Variants in C1orf54 observed in about 807,000 individuals in gnomAD.
The protein encoded by C1orf54 is uncharacterized protein C1orf54.
A neutral mutation model predicts 14.7 loss-of-function variants in C1orf54; 12 were observed. The ratio of observed to expected loss-of-function variants is 0.82; its 90% confidence interval spans 0.52 to 1.32. C1orf54 has a LOEUF of 1.32. Ranked by LOEUF, C1orf54 falls within the 40% of genes most tolerant of loss-of-function variation. The pLI is 0.00. For synonymous variants in C1orf54, 65 were observed against 56.3 expected (o/e 1.16, Z -0.70); for missense variants, 163 against 162.2 (o/e 1.00, Z -0.03).
intron 4 of C1orf54, among the ~76,000 whole-genome samples, chr1:150,278,758 G>A (rs945928137): frequency 2.6e-5 from 4 of 152,190 alleles, no homozygotes; most frequent in Admixed American, 6.5e-5. Flanking sequence ...AGTGCTTGGA[G>A]AAAAGCTAGA....
At position 150,279,664 on chromosome 1, in the gene C1orf54, G is replaced by A. The variant is rs782082841; in HGVS notation, c.322G>A (p.Val108Met). ...GCAGAGTCCAGATCTGAACGATGCC[G>A]TGTCCAGTTTGCGAAGTCCTATTCC... ...TEPSPDLNDAVSSLRSPIPLL... is the reference protein window; with the variant it reads ...TEPSPDLNDAMSSLRSPIPLL... The change falls in exon 5 of 6, where the codon GTG (valine) becomes ATG (methionine). Residue 108 changes from valine (V) to methionine (M), a missense_variant. By Grantham distance (21) the Val-to-Met change is conservative. Transcript: ENST00000369099. 60 of 1,612,648 alleles carry A rather than the reference G, an allele frequency of 3.7e-5. No homozygotes were observed. The highest frequency in any genetic ancestry group is 4.5e-5 in the East Asian group (2 of 44,676).
chr1:150,280,640 A>C (rs1653020410), intron 5 of C1orf54, among the ~76,000 whole-genome samples, 195 bp from the exon 6 acceptor site: 1 of 152,196 alleles, frequency 6.6e-6, no homozygotes, highest in African/African-American at 2.4e-5. Context: ...CTAAATAACC[A>C]TTGATCATAG....
chr1:150,276,601 C>T lies in C1orf54; in HGVS notation c.269C>T (p.Pro90Leu), dbSNP rs1389480150. 2 of 1,613,992 alleles carry T rather than the reference C, an allele frequency of 1.2e-6. No homozygotes were observed. The highest frequency in any genetic ancestry group is 1.1e-5 in the South Asian group (1 of 91,090). Reference protein sequence around the residue: ...LETARADHPKPVTVKPVTTEP... With the variant: ...LETARADHPKLVTVKPVTTEP... ...ACAGCACGTGCAGACCATCCGAAGCCTGTAACTGTGAAACCAGTAACAACG... is the reference window on the plus strand; with the variant it reads ...ACAGCACGTGCAGACCATCCGAAGCTTGTAACTGTGAAACCAGTAACAACG... The change falls in exon 4 of 6, where the codon CCT becomes CTT. Residue 90 changes from proline (P) to leucine (L), a missense_variant. Physicochemically the swap from Pro to Leu is moderately conservative, Grantham distance 98. Transcript: ENST00000369099.
upstream of C1orf54, chr1:150,272,718 C>A (rs1331692784): frequency 1.6e-5 from 20 of 1,247,096 alleles, no homozygotes; most frequent in Non-Finnish European, 2.1e-5. Context: ...GTTGCTGCAG[C>A]TCCTTCCCTG....
upstream of C1orf54, among the ~76,000 whole-genome samples, chr1:150,272,105 A>C (rs587674388): frequency 1.3e-5 from 2 of 151,984 alleles, no homozygotes; most frequent in Admixed American, 1.3e-4. Flanking sequence ...GCGCCACTGC[A>C]CTCCAACCTG....
chr1:150,276,726 G>T (rs1197074668), intron 4 of C1orf54, 94 bp downstream of exon 4: 2 of 990,268 alleles, frequency 2.0e-6, no homozygotes, highest in South Asian at 1.3e-5. Context: ...TTTGGTGGAT[G>T]GGAGAACCAA....
chr1:150,272,825 T>C lies in C1orf54; in HGVS notation c.8T>C (p.Val3Ala). MD[V>A]LFVAIFAVPL... ...AATAGTGCAGAATCCAGAATGGATG[T>C]CCTCTTTGTAGCCATCTTTGCTGTG... The change falls in exon 1 of 6, where the codon GTC becomes GCC. Residue 3 changes from valine to alanine, a missense_variant. Transcript: ENST00000369099. The C allele has an allele frequency of 6.2e-7, 1 of 1,614,182 alleles. No individual in the cohort carries two copies. Among genetic ancestry groups the C allele is most frequent in the South Asian group, 1.1e-5 (1 of 91,090 alleles).
In C1orf54 at chr1:150,279,634, T is replaced by G; in HGVS notation, c.301-9T>G. The stretch of plus-strand genomic sequence containing the variant: ...AGCCTACTGTGTGGGGATGTCGGTA[T>G]TTTAGCAGAGTCCAGATCTGAACGA... On this transcript the variant is annotated splice_polypyrimidine_tract_variant and intron_variant, in intron 4 of 5. Coordinates refer to ENST00000369099, the MANE Select transcript of C1orf54 (RefSeq NM_024579.4). 6.2e-7 allele frequency: 1 copy of G among 1,605,796 alleles called. No individual in the cohort carries two copies.
chr1:150,279,623 G>A lies in C1orf54; in HGVS notation c.301-20G>A, dbSNP rs782259665. The A allele has an allele frequency of 1.9e-6, 3 of 1,602,234 alleles. No homozygotes were observed. The highest frequency in any genetic ancestry group is 1.7e-6 in the Non-Finnish European group (2 of 1,173,620). ...GGAATGACACCAGCCTACTGTGTGG[G>A]GATGTCGGTATTTTAGCAGAGTCCA... On this transcript the variant is annotated intron_variant, in intron 4 of 5. Coordinates refer to ENST00000369099, the MANE Select transcript of C1orf54 (RefSeq NM_024579.4).
chr1:150,268,928 T>G, upstream of C1orf54: 1 of 823,086 alleles, frequency 1.2e-6, no homozygotes, highest in Non-Finnish European at 1.9e-6. Context: ...CGCGGTGCAA[T>G]GTCACCCCCA....
rs375413412 is a variant in C1orf54, at chr1:150,274,169, T to C, written c.129T>C (p.Tyr43=). The change falls in exon 2 of 6, where the codon TAT becomes TAC. Residue 43 remains tyrosine (Y), a splice_region_variant and synonymous_variant. Coordinates refer to ENST00000369099, the MANE Select transcript of C1orf54 (RefSeq NM_024579.4). ...ATTATTATACAGTCACCCCCAGTTATGGTGAGTACATGAAAGGCTCTTGCC... is the reference window on the plus strand; with the variant it reads ...ATTATTATACAGTCACCCCCAGTTACGGTGAGTACATGAAAGGCTCTTGCC... The part of the protein sequence containing the change: ...VVYYYTVTPS[Y]DDFSADFTID... The C allele has an allele frequency of 1.3e-5, 21 of 1,604,796 alleles. No homozygotes were observed. The highest frequency in any genetic ancestry group is 5.4e-5 in the African/African-American group (4 of 74,676).
upstream of C1orf54, chr1:150,269,202 G>C (rs770019106): frequency 2.1e-5 from 4 of 192,882 alleles, no homozygotes; most frequent in Non-Finnish European, 4.5e-5. Flanking sequence ...GAATGGACCA[G>C]TCGAGACACC....
chr1:150,268,958 G>A (rs1317652512), upstream of C1orf54: 4 of 640,906 alleles, frequency 6.2e-6, no homozygotes, highest in African/African-American at 3.7e-5. Context: ...GAAGGGGAAG[G>A]GGGGGAACCG....
intron 2 of C1orf54, among the ~76,000 whole-genome samples, chr1:150,275,171 T>A (rs1652543311): frequency 6.6e-6 from 1 of 151,806 alleles, no homozygotes. Context: ...CCTAGGTAGC[T>A]GGGACTACAG....
At chr1:150,276,453 A>C (rs1284213289) in intron 3 of C1orf54, 69 bp from the exon 4 acceptor site, 28 of 1,297,962 alleles carry the variant, frequency 2.2e-5, no homozygotes, top group Middle Eastern at 1.8e-4. Flanking sequence ...AACTTTAAGT[A>C]GAGAATCTAT....
At chr1:150,280,790 G>A (rs1653041045) in intron 5 of C1orf54, 45 bp from the exon 6 acceptor site, 3 of 1,495,670 alleles carry the variant, frequency 2.0e-6, no homozygotes, top group African/African-American at 1.4e-5. Context: ...GGGTTTCTCG[G>A]GTCTCCTGAC....
chr1:150,271,886 C>T (rs1553851328), upstream of C1orf54, among the ~76,000 whole-genome samples: 2 of 152,078 alleles, frequency 1.3e-5, no homozygotes, highest in Non-Finnish European at 2.9e-5. Flanking sequence ...TGCCTGTAAT[C>T]CCAGTACTTT....
Position 150,280,860 on chromosome 1 carries a change from T to C in C1orf54, c.*29T>C, listed in dbSNP as rs1334851836. The C allele has an allele frequency of 3.9e-6, 6 of 1,550,236 alleles. No homozygotes were observed. Among genetic ancestry groups the C allele is most frequent in the Non-Finnish European group, 5.2e-6 (6 of 1,146,906 alleles). On this transcript the variant is annotated 3_prime_UTR_variant, in exon 6 of 6. Transcript: ENST00000369099. ...GTGGAAGAAGGCTGCTATGACTCTT[T>C]GGATGGGAGTCTGGCAAGAGGAAAT...
upstream of C1orf54, among the ~76,000 whole-genome samples, chr1:150,269,829 G>C (rs587613026): frequency 1.3e-5 from 2 of 152,304 alleles, no homozygotes; most frequent in Non-Finnish European, 2.9e-5. Flanking sequence ...GGGAGGCCAG[G>C]AGTTTGAGAC....
Sources: allele counts gnomAD v4.1 joint callset (sites outside exome capture counted in the v4.1 genomes callset), GRCh38; gene constraint gnomAD v4.1.1; transcripts MANE v1.5; gene names NCBI Gene and HGNC (gene_info 2026-07-23, HGNC 2026-07-21).